DAB1: variants seen among roughly 807,000 people sequenced by gnomAD.
DAB1 encodes disabled homolog 1.
Under a neutral mutation model 64.6 loss-of-function variants are expected in DAB1, and 15 were observed. The observed-to-expected ratio is 0.23, with a 90% CI of 0.16 to 0.36. The LOEUF (loss-of-function observed/expected upper bound fraction) is 0.36, where lower values mean the gene tolerates loss of function less well. Among genes scored for constraint, DAB1 ranks in the 10% least tolerant of loss-of-function variants. The probability of loss-of-function intolerance (pLI) is 1.00; values close to 1 mark genes in which losing one functional copy is unlikely to be tolerated. For missense variants in DAB1, 596 were observed against 706.7 expected, an observed-to-expected ratio of 0.84 and a Z score of 1.78; for synonymous variants, 235 against 251.9, an observed-to-expected ratio of 0.93 and a Z score of 0.64.
chr1:57,014,750 A>G, intron 12 of DAB1, 133 bp downstream of exon 12: 1 of 627,838 alleles, frequency 1.6e-6, no homozygotes, highest in South Asian at 3.1e-5. Flanking sequence ...TAGTAGTATT[A>G]CTAGTAATAA....
At chr1:57,911,138 T>A (rs888469834) in intron 5 of DAB1, among the ~76,000 whole-genome samples, 1 of 152,196 alleles carries the variant, frequency 6.6e-6, no homozygotes, top group Non-Finnish European at 1.5e-5. Context: ...AAGGATTTTA[T>A]GAAGAAAAGT....
chr1:57,485,092 T>C (rs1167698191), intron 7 of DAB1, among the ~76,000 whole-genome samples: 1 of 152,194 alleles, frequency 6.6e-6, no homozygotes, highest in Non-Finnish European at 1.5e-5. Flanking sequence ...AACCTCAAGA[T>C]CTACAGGCTT....
At chr1:58,533,884 T>G in intron 1 of DAB1, 3 of 814,208 alleles carry the variant, frequency 3.7e-6, no homozygotes, top group Non-Finnish European at 6.5e-6. Context: ...AAATCAGTTC[T>G]TTAAAAGATT....
intron 6 of DAB1, among the ~76,000 whole-genome samples, chr1:57,699,511 T>G (rs1213812165): frequency 1.3e-5 from 2 of 152,156 alleles, no homozygotes; most frequent in Admixed American, 6.5e-5. Context: ...CCCATATATA[T>G]TCAAGAGTCT....
intron 4 of DAB1, among the ~76,000 whole-genome samples, chr1:58,284,330 T>C (rs1365027577): frequency 6.6e-6 from 1 of 152,242 alleles, no homozygotes; most frequent in Non-Finnish European, 1.5e-5. Context: ...CTTTCCAGCC[T>C]GCCCTTGAAT....
At chr1:57,097,228 G>A (rs1654245846) in intron 4 of DAB1, among the ~76,000 whole-genome samples, 1 of 152,178 alleles carries the variant, frequency 6.6e-6, no homozygotes, top group Non-Finnish European at 1.5e-5. Context: ...TATTACCCTG[G>A]AAGACCTGTG....
At chr1:58,397,624 A>G (rs1281256225) in intron 3 of DAB1, among the ~76,000 whole-genome samples, 1 of 152,212 alleles carries the variant, frequency 6.6e-6, no homozygotes, top group Non-Finnish European at 1.5e-5. Flanking sequence ...GGTGTCTTCA[A>G]CATAGACACA....
chr1:58,477,877 C>T (rs929590904), intron 3 of DAB1, among the ~76,000 whole-genome samples: 7 of 152,088 alleles, frequency 4.6e-5, no homozygotes, highest in Non-Finnish European at 1.0e-4. Context: ...GTAAAAAAAC[C>T]TTAAGAAATA....
chr1:57,433,881 A>G (rs1291301725), intron 7 of DAB1, among the ~76,000 whole-genome samples: 6 of 151,824 alleles, frequency 4.0e-5, no homozygotes, highest in Admixed American at 3.9e-4. Flanking sequence ...AACTATAAGT[A>G]GGTACATGAA....
chr1:57,455,208 A>G (rs1426314052), intron 7 of DAB1, among the ~76,000 whole-genome samples: 1 of 152,162 alleles, frequency 6.6e-6, no homozygotes, highest in African/African-American at 2.4e-5. Flanking sequence ...AACAGTTCCT[A>G]GGGGTAGCAG....
At chr1:58,545,438 G>T (rs1185712595) in intron 1 of DAB1, among the ~76,000 whole-genome samples, 2 of 152,138 alleles carry the variant, frequency 1.3e-5, no homozygotes, top group Non-Finnish European at 2.9e-5. Flanking sequence ...CTGAAGAAAG[G>T]GTAAAGAATG....
At position 58,003,320 on chromosome 1, in the gene DAB1, C is replaced by T. The variant is rs574695792; in HGVS notation, n.388-119158G>A. On this transcript the variant is annotated intron_variant and non_coding_transcript_variant, in intron 5 of 20. Coordinates refer to the DAB1 transcript ENST00000485760. ...CAAAGAAGAAACCCGATTTTGATGG[C>T]TTCTCTTTACTGACATGTTTTAAAA... Among the ~76,000 whole-genome samples the T allele has an allele frequency of 3.3e-5, 5 of 152,276 alleles. No individual in the cohort carries two copies. In the South Asian group the frequency reaches 1.0e-3, roughly 32 times the overall value.
At chr1:57,698,930 A>T (rs1187030168) in intron 6 of DAB1, among the ~76,000 whole-genome samples, 1 of 152,132 alleles carries the variant, frequency 6.6e-6, no homozygotes, top group Non-Finnish European at 1.5e-5. Flanking sequence ...CTTTTTAAAA[A>T]ATTATTTACT....
chr1:58,107,123 A>AGT (rs1040467044), intron 5 of DAB1, among the ~76,000 whole-genome samples: 4 of 151,838 alleles, frequency 2.6e-5, no homozygotes, highest in African/African-American at 9.7e-5. Flanking sequence ...ATTTCAATAT[A>AGT]GTGTGATAAG....
intron 2 of DAB1, among the ~76,000 whole-genome samples, chr1:57,185,215 A>C (rs1663411973): frequency 6.6e-6 from 1 of 151,652 alleles, no homozygotes; most frequent in Non-Finnish European, 1.5e-5. Context: ...CACCACTCCT[A>C]CCCCTACCAT....
chr1:57,970,242 A>C (rs1645765732), intron 5 of DAB1, among the ~76,000 whole-genome samples: 1 of 152,202 alleles, frequency 6.6e-6, no homozygotes. Context: ...CACAAAGACT[A>C]TAGTCAATAA....
intron 6 of DAB1, among the ~76,000 whole-genome samples, chr1:57,814,036 C>T (rs1651745882): frequency 6.6e-6 from 1 of 152,196 alleles, no homozygotes; most frequent in Non-Finnish European, 1.5e-5. Flanking sequence ...AGTTTCTCTT[C>T]TTAAGATAAA....
intron 3 of DAB1, among the ~76,000 whole-genome samples, chr1:58,457,352 C>T (rs908338820): frequency 6.6e-6 from 1 of 152,106 alleles, no homozygotes; most frequent in African/African-American, 2.4e-5. Context: ...AAGACAGGCA[C>T]GGTATTTCGG....
intron 7 of DAB1, among the ~76,000 whole-genome samples, chr1:57,621,907 T>G (rs1570681417): frequency 6.6e-6 from 1 of 152,352 alleles, no homozygotes; most frequent in Admixed American, 6.5e-5. Context: ...GCTCTTGAGC[T>G]ATTTGTATAC....
Sources: allele counts gnomAD v4.1 joint callset (sites outside exome capture counted in the v4.1 genomes callset), GRCh38; gene constraint gnomAD v4.1.1; transcripts MANE v1.5; gene names NCBI Gene and HGNC (gene_info 2026-07-23, HGNC 2026-07-21).